The following EYA1 variants were observed in gnomAD, a reference collection of about 807,000 sequenced individuals.
The protein encoded by EYA1 is protein phosphatase EYA1.
A neutral mutation model predicts 82.0 loss-of-function variants in EYA1; 16 were observed. The ratio of observed to expected loss-of-function variants is 0.20; its 90% CI spans 0.13 to 0.30. The LOEUF (loss-of-function observed/expected upper bound fraction) is 0.30. Ranked by LOEUF, EYA1 falls within the 10% of genes least tolerant of loss-of-function variation. EYA1 has a pLI of 1.00. For synonymous variants in EYA1, 261 were observed against 264.4 expected, an observed-to-expected ratio of 0.99 and a Z score of 0.12; for missense variants, 633 against 730.7, an observed-to-expected ratio of 0.87 and a Z score of 1.54.
At chr8:71,323,575 A>G (rs553918328) in intron 4 of EYA1, among the ~76,000 whole-genome samples, 166 of 152,336 alleles carry the variant, frequency 1.1e-3, no homozygotes, top group Middle Eastern at 3.4e-3. Flanking sequence ...GATCTAGATT[A>G]GTACCACTCT....
rs200668668 is a variant in EYA1, at chr8:71,271,800, T to C, written c.924A>G (p.Arg308=). 1 of 1,614,194 alleles carries C rather than the reference T, an allele frequency of 6.2e-7. No individual in the cohort carries two copies. ...GGGGAGGTGAAGGATTATTGTTTCT[T>C]CGGCCCCGTCCACGTGATTTCCCAT... ...GSDGKSRGRG[R]RNNNPSPPPD... Residue 308 remains arginine (R), a synonymous_variant, in exon 10 of 18, where the codon CGA becomes CGG. Coordinates refer to ENST00000340726, the MANE Select transcript of EYA1 (RefSeq NM_000503.6).
rs74514301 is a variant in EYA1, at chr8:71,257,409, C to T, written c.1050+12331G>A. Among the ~76,000 whole-genome samples the T allele has an allele frequency of 7.4e-3, 1,128 of 152,260 alleles. 9 individuals carry two copies. The highest frequency in any genetic ancestry group is 0.013 in the Admixed American group (194 of 15,300). On this transcript the variant is annotated intron_variant, in intron 11 of 17. Transcript: ENST00000340726. ...AAAATATTCACTAAGACAAGATTGGCTGTTTTTGGTGGTGAAACTATGGAT... is the reference window on the plus strand; with the variant it reads ...AAAATATTCACTAAGACAAGATTGGTTGTTTTTGGTGGTGAAACTATGGAT...
chr8:71,287,833 G>A (rs896428364), intron 9 of EYA1, among the ~76,000 whole-genome samples: 4 of 152,330 alleles, frequency 2.6e-5, no homozygotes, highest in South Asian at 2.1e-4. Context: ...TTGAATGCCC[G>A]AATGGAAGAA....
chr8:71,299,147 G>C lies in EYA1; in HGVS notation c.726C>G (p.Ser242Arg). ...SSPYPAHYMT[S>R]SNTSPTTPST... ...ATGGTGTCGTTGGGCTGGTGTTGCT[G>C]CTGGTCATATAATGTGCTGGATACG... Residue 242 changes from serine (S) to arginine (R), a missense_variant, in exon 9 of 18, where the codon AGC becomes AGG. By Grantham distance (110) the Ser-to-Arg change is moderately radical. Transcript: ENST00000340726. 6.2e-7 allele frequency: 1 copy of C among 1,614,134 alleles called. No homozygotes were observed. Among genetic ancestry groups the C allele is most frequent in the Non-Finnish European group, 8.5e-7 (1 of 1,179,992 alleles).
At chr8:71,464,568 A>C (rs1808640313) in intron 2 of EYA1, among the ~76,000 whole-genome samples, 1 of 152,216 alleles carries the variant, frequency 6.6e-6, no homozygotes, top group African/African-American at 2.4e-5. Context: ...AATACATTGT[A>C]ATGTTGGCAT....
chr8:71,283,593 G>A (rs1476401373), intron 9 of EYA1, among the ~76,000 whole-genome samples: 1 of 151,850 alleles, frequency 6.6e-6, no homozygotes, highest in East Asian at 1.9e-4. Flanking sequence ...AAATGCACAT[G>A]ATCATTGATA....
At position 71,535,675 on chromosome 8, in the gene EYA1, C is replaced by T. The variant is rs1237440502; in HGVS notation, c.33+69G>A. ...GACAATCTTCCAGATACTCGGGTTA[C>T]AATAAAAATGCCATGATGATTTTAA... is the stretch of plus-strand genomic sequence containing the variant. On this transcript the variant is annotated intron_variant, in intron 2 of 18. Transcript: ENST00000643681. The T allele has an allele frequency of 2.6e-6, 3 of 1,136,408 alleles. No individual in the cohort carries two copies. In the African/African-American group the frequency reaches 4.7e-5, roughly 18 times the overall value. The allele number at this position is 1,136,408 out of a possible 1,614,324, so 70.4% of individuals were successfully genotyped here.
chr8:71,220,285 T>C (rs1466443827), intron 12 of EYA1, among the ~76,000 whole-genome samples: 1 of 152,210 alleles, frequency 6.6e-6, no homozygotes, highest in Non-Finnish European at 1.5e-5. Flanking sequence ...TGTGATAGAC[T>C]TTTAAGGTGA....
At chr8:71,377,339 G>T (rs970584592) in intron 2 of EYA1, among the ~76,000 whole-genome samples, 13 of 152,154 alleles carry the variant, frequency 8.5e-5, no homozygotes, top group African/African-American at 2.9e-4. Context: ...CCATTTGACA[G>T]AAATTGGGAG....
chr8:71,304,298 C>T (rs1423761768), intron 7 of EYA1, among the ~76,000 whole-genome samples: 1 of 142,726 alleles, frequency 7.0e-6, no homozygotes, highest in Non-Finnish European at 1.6e-5. Flanking sequence ...GACGAAGAAA[C>T]TGCCAGAGGT....
chr8:71,340,311 T>C (rs933576333), intron 3 of EYA1, among the ~76,000 whole-genome samples: 17 of 152,216 alleles, frequency 1.1e-4, no homozygotes, highest in African/African-American at 3.6e-4. Flanking sequence ...GCATGACAAA[T>C]AGTAATTTGC....
intron 4 of EYA1, among the ~76,000 whole-genome samples, chr8:71,328,137 G>T (rs1823387326): frequency 6.6e-6 from 1 of 152,106 alleles, no homozygotes; most frequent in Non-Finnish European, 1.5e-5. Flanking sequence ...TTACACGTGT[G>T]AGCCACTGCA....
chr8:71,510,279 G>T (rs1304603007), intron 2 of EYA1, among the ~76,000 whole-genome samples: 1 of 152,134 alleles, frequency 6.6e-6, no homozygotes, highest in East Asian at 1.9e-4. Context: ...AAACACAGCT[G>T]TCCAGCTGAA....
intron 2 of EYA1, among the ~76,000 whole-genome samples, chr8:71,460,213 C>T (rs540277776): frequency 6.6e-6 from 1 of 152,296 alleles, no homozygotes; most frequent in Admixed American, 6.5e-5. Flanking sequence ...GCAGTGTGCT[C>T]AAATCACCAA....
At chr8:71,433,157 G>T (rs765674666) in intron 2 of EYA1, among the ~76,000 whole-genome samples, 2 of 152,030 alleles carry the variant, frequency 1.3e-5, no homozygotes, top group Non-Finnish European at 2.9e-5. Flanking sequence ...TATAGCTTCT[G>T]GAAGTATGAA....
At chr8:71,272,144 A>C (rs1816620833) in intron 9 of EYA1, among the ~76,000 whole-genome samples, 1 of 152,202 alleles carries the variant, frequency 6.6e-6, no homozygotes, top group Admixed American at 6.5e-5. Context: ...CAGGTTGTAC[A>C]AGGTTGCCTG....
intron 2 of EYA1, among the ~76,000 whole-genome samples, chr8:71,519,409 T>A (rs1563697430): frequency 1.3e-5 from 2 of 152,124 alleles, no homozygotes; most frequent in Non-Finnish European, 2.9e-5. Flanking sequence ...TCAAAGCAAT[T>A]CATGTTCTCT....
chr8:71,266,092 T>C (rs1165203137), intron 11 of EYA1, among the ~76,000 whole-genome samples: 1 of 152,238 alleles, frequency 6.6e-6, no homozygotes. Flanking sequence ...CTGAATGGCC[T>C]ACTCATTGAG....
At chr8:71,233,340 A>T (rs28635429) in intron 12 of EYA1, among the ~76,000 whole-genome samples, 3 of 152,082 alleles carry the variant, frequency 2.0e-5, no homozygotes, top group East Asian at 1.9e-4. Context: ...CAAGGCGGGC[A>T]GATCACGAGG....
Sources: allele counts gnomAD v4.1 joint callset (sites outside exome capture counted in the v4.1 genomes callset), GRCh38; gene constraint gnomAD v4.1.1; transcripts MANE v1.5; gene names NCBI Gene and HGNC (gene_info 2026-07-23, HGNC 2026-07-21).